The following MRPS28 variants were observed in gnomAD, a reference collection of about 807,000 sequenced individuals.
The protein encoded by MRPS28 is mitochondrial ribosomal protein S28.
MRPS28 carries 7 observed loss-of-function variants against 10.8 expected under a neutral mutation model. The observed-to-expected ratio is 0.65, with a 90% CI of 0.37 to 1.22. The LOEUF is 1.22. Among genes scored for constraint, MRPS28 ranks in the 50% most tolerant of loss-of-function variants. MRPS28 has a pLI of 0.02. For missense variants in MRPS28, 265 were observed against 232.9 expected (o/e 1.14, Z -0.90); for synonymous variants, 121 against 93.3 (o/e 1.30, Z -1.71).
intron 2 of MRPS28, among the ~76,000 whole-genome samples, chr8:79,992,050 C>T (rs1338929011): frequency 6.6e-6 from 1 of 152,006 alleles, no homozygotes; most frequent in East Asian, 1.9e-4. Context: ...ACTGAGGCCT[C>T]CTGCCAATAA....
chr8:80,029,962 C>G (rs1418010929), intron 1 of MRPS28, 74 bp downstream of exon 1: 1 of 1,555,022 alleles, frequency 6.4e-7, no homozygotes, highest in African/African-American at 1.4e-5. Flanking sequence ...CCAGGCTCCG[C>G]CCCTATTCCC....
At chr8:80,029,715 G>A (rs1464972358) in intron 1 of MRPS28, 4 of 1,414,258 alleles carry the variant, frequency 2.8e-6, no homozygotes, top group East Asian at 3.4e-5. Flanking sequence ...TAGCGTCCCA[G>A]GAATCGCCCT....
intron 2 of MRPS28, among the ~76,000 whole-genome samples, chr8:79,976,734 A>G (rs772665704): frequency 2.6e-5 from 4 of 152,184 alleles, no homozygotes; most frequent in Non-Finnish European, 5.9e-5. Flanking sequence ...AAGAAAAACA[A>G]AAAGAAAATG....
At chr8:79,961,192 A>C (rs1356957827) in intron 2 of MRPS28, among the ~76,000 whole-genome samples, 3 of 152,160 alleles carry the variant, frequency 2.0e-5, no homozygotes, top group African/African-American at 7.2e-5. Context: ...GATATCAGAG[A>C]TCTCTACTTG....
intron 2 of MRPS28, among the ~76,000 whole-genome samples, chr8:79,991,191 T>C (rs1009942538): frequency 6.6e-6 from 1 of 152,194 alleles, no homozygotes; most frequent in African/African-American, 2.4e-5. Context: ...TTCTGGACTA[T>C]ATGGCTGGAT....
intron 2 of MRPS28, among the ~76,000 whole-genome samples, chr8:79,987,060 A>G (rs968508420): frequency 1.3e-5 from 2 of 151,910 alleles, no homozygotes; most frequent in African/African-American, 4.8e-5. Flanking sequence ...ACAGCATGGT[A>G]CTGGTACCAA....
intron 2 of MRPS28, among the ~76,000 whole-genome samples, chr8:79,999,759 G>A (rs1808609079): frequency 6.6e-6 from 1 of 152,128 alleles, no homozygotes; most frequent in South Asian, 2.1e-4. Flanking sequence ...GTTAAACCTT[G>A]GCTGAAGATT....
At chr8:79,919,363 A>T (rs948050945) in intron 2 of MRPS28, among the ~76,000 whole-genome samples, 1 of 149,430 alleles carries the variant, frequency 6.7e-6, no homozygotes, top group African/African-American at 2.4e-5. Context: ...AAAAAAAAAA[A>T]AGAGTTTCAC....
chr8:79,948,848 G>C (rs1586052914), intron 2 of MRPS28, among the ~76,000 whole-genome samples: 1 of 152,044 alleles, frequency 6.6e-6, no homozygotes, highest in East Asian at 1.9e-4. Flanking sequence ...TTTTTCAAAA[G>C]CTATTTCTTG....
In MRPS28 at chr8:79,964,560, A is replaced by C. The variant is rs148747948; in HGVS notation, c.395+38439T>G. On this transcript the variant is annotated intron_variant, in intron 2 of 2. Transcript: ENST00000276585. The stretch of plus-strand genomic sequence containing the variant: ...TGTTTTGGAATTAGACTATGTTCAA[A>C]TTCTGGTTCCACCAATTACTAGCTG... Among the ~76,000 whole-genome samples the C allele has an allele frequency of 3.2e-3, 481 of 152,188 alleles. 1 individual carries two copies. Among genetic ancestry groups the C allele is most frequent in the African/African-American group, 0.011 (466 of 41,540 alleles).
chr8:79,997,524 A>C (rs755225443), intron 2 of MRPS28, among the ~76,000 whole-genome samples: 3 of 152,098 alleles, frequency 2.0e-5, no homozygotes, highest in African/African-American at 7.2e-5. Flanking sequence ...TTTTGTTTCA[A>C]TCTACAGTTT....
chr8:79,945,216 G>A (rs932006123), intron 2 of MRPS28, among the ~76,000 whole-genome samples: 2 of 152,068 alleles, frequency 1.3e-5, no homozygotes, highest in African/African-American at 4.8e-5. Flanking sequence ...TAATTTATTA[G>A]GGAAAATATG....
chr8:79,929,527 G>A (rs758732898), intron 2 of MRPS28, among the ~76,000 whole-genome samples: 1 of 152,026 alleles, frequency 6.6e-6, no homozygotes, highest in Non-Finnish European at 1.5e-5. Flanking sequence ...AACAGCAAGA[G>A]GACCCTAAAC....
At chr8:79,922,361 A>T (rs1810116993) in intron 2 of MRPS28, among the ~76,000 whole-genome samples, 1 of 152,164 alleles carries the variant, frequency 6.6e-6, no homozygotes, top group Admixed American at 6.6e-5. Context: ...GTCAAAGGAT[A>T]CAAAATTTCA....
At chr8:79,946,579 A>G (rs1387296362) in intron 2 of MRPS28, among the ~76,000 whole-genome samples, 1 of 151,998 alleles carries the variant, frequency 6.6e-6, no homozygotes, top group Non-Finnish European at 1.5e-5. Flanking sequence ...TTACTTGGGG[A>G]AAAAAAATCT....
intron 2 of MRPS28, among the ~76,000 whole-genome samples, chr8:79,926,275 TTTTCA>T (rs1274318846): frequency 6.6e-6 from 1 of 152,168 alleles, no homozygotes; most frequent in Non-Finnish European, 1.5e-5. Flanking sequence ...GAGTATGCAA[TTTTCA>T]TTTTAAGAGA....
At chr8:79,933,476 T>G (rs553881125) in intron 2 of MRPS28, among the ~76,000 whole-genome samples, 1 of 152,288 alleles carries the variant, frequency 6.6e-6, no homozygotes, top group East Asian at 1.9e-4. Context: ...ATATAAATTT[T>G]GGGGGGATAA....
chr8:79,945,198 ATC>A (rs1563522709), intron 2 of MRPS28, among the ~76,000 whole-genome samples: 1 of 152,208 alleles, frequency 6.6e-6, no homozygotes, highest in East Asian at 1.9e-4. Flanking sequence ...GCCTTTGGAT[ATC>A]TGTTATAATT....
chr8:80,027,508 G>A (rs901688546), intron 1 of MRPS28, among the ~76,000 whole-genome samples: 1 of 152,208 alleles, frequency 6.6e-6, no homozygotes, highest in African/African-American at 2.4e-5. Flanking sequence ...CTTGCAGGCA[G>A]TGTGAATGGA....
Sources: gnomAD v4.1 joint callset for allele counts (sites outside exome capture counted in the v4.1 genomes callset) on GRCh38, gnomAD v4.1.1 for gene constraint, MANE v1.5 for transcripts, NCBI Gene and HGNC (gene_info 2026-07-23, HGNC 2026-07-21) for gene names.